NXPE2: variants seen among roughly 807,000 people sequenced by gnomAD.
NXPE2 encodes the protein NXPE family member 2.
Under a neutral mutation model 34.4 loss-of-function variants are expected in NXPE2, and 34 were observed. The observed-to-expected ratio is 0.99, with a 90% confidence interval of 0.75 to 1.31. NXPE2 has a LOEUF of 1.31. NXPE2 is among the 40% of genes most tolerant of loss of function. The pLI is 0.00. For synonymous variants in NXPE2, 235 were observed against 231.3 expected (o/e 1.02, Z -0.15); for missense variants, 649 against 672.5 (o/e 0.97, Z 0.39).
chr11:114,678,990 G>A (rs188721109), intron 1 of NXPE2, among the ~76,000 whole-genome samples: 36 of 151,344 alleles, frequency 2.4e-4, no homozygotes, highest in Non-Finnish European at 4.6e-4. Context: ...GGTAAAGATT[G>A]CCATAATTTA....
chr11:114,492,730 G>A, the NXPE2 span, among the ~76,000 whole-genome samples: 15 of 152,082 alleles, frequency 9.9e-5, no homozygotes, highest in South Asian at 8.3e-4. Flanking sequence ...TAGTAGAGAC[G>A]GGGTTTCACA....
the NXPE2 span, among the ~76,000 whole-genome samples, chr11:114,634,900 T>C: frequency 6.6e-6 from 1 of 152,066 alleles, no homozygotes; most frequent in Non-Finnish European, 1.5e-5. Flanking sequence ...GGTAGTGTGA[T>C]GCCTCCAGCT....
the NXPE2 span, among the ~76,000 whole-genome samples, chr11:114,659,748 C>T: frequency 3.3e-5 from 5 of 152,158 alleles, no homozygotes; most frequent in African/African-American, 9.6e-5. Context: ...ATAAACTAAT[C>T]TTTCATGTTA....
the NXPE2 span, among the ~76,000 whole-genome samples, chr11:114,723,007 A>G: frequency 2.0e-5 from 3 of 152,232 alleles, no homozygotes; most frequent in Non-Finnish European, 4.4e-5. Context: ...GTATGAAACT[A>G]TGCATATAAA....
At chr11:114,481,442 A>G in the NXPE2 span, among the ~76,000 whole-genome samples, 5 of 152,186 alleles carry the variant, frequency 3.3e-5, no homozygotes, top group African/African-American at 1.2e-4. Flanking sequence ...AATGGCAACA[A>G]TAGCGCTTTC....
chr11:114,538,265 T>C, the NXPE2 span, among the ~76,000 whole-genome samples: 1 of 152,188 alleles, frequency 6.6e-6, no homozygotes, highest in Non-Finnish European at 1.5e-5. Flanking sequence ...TTACACCTTA[T>C]ACAAAAATTA....
chr11:114,640,029 CATA>C, the NXPE2 span, among the ~76,000 whole-genome samples: 1 of 115,282 alleles, frequency 8.7e-6, no homozygotes, highest in African/African-American at 3.6e-5. Context: ...TATAATGTAA[CATA>C]ATTATATTAT....
At chr11:114,763,260 T>C in the NXPE2 span, among the ~76,000 whole-genome samples, 1 of 152,232 alleles carries the variant, frequency 6.6e-6, no homozygotes, top group Non-Finnish European at 1.5e-5. Flanking sequence ...AAAATCCCTC[T>C]TCTAACAAAC....
At chr11:114,615,374 G>T in the NXPE2 span, among the ~76,000 whole-genome samples, 2 of 151,840 alleles carry the variant, frequency 1.3e-5, no homozygotes, top group South Asian at 4.1e-4. Flanking sequence ...ACTGTTACCC[G>T]GTGGATAATA....
chr11:114,639,596 A>T, the NXPE2 span, among the ~76,000 whole-genome samples: 34 of 149,864 alleles, frequency 2.3e-4, no homozygotes, highest in African/African-American at 6.6e-4. Context: ...AGCTGTTCCT[A>T]TTCGGCCATC....
the NXPE2 span, among the ~76,000 whole-genome samples, chr11:114,660,618 C>T: frequency 2.6e-5 from 4 of 151,678 alleles, no homozygotes; most frequent in Admixed American, 6.6e-5. Flanking sequence ...TTTCTTAACT[C>T]GATAAAGGCA....
the NXPE2 span, among the ~76,000 whole-genome samples, chr11:114,502,428 T>C: frequency 1.3e-5 from 2 of 152,238 alleles, no homozygotes; most frequent in African/African-American, 4.8e-5. Flanking sequence ...TTCAGGTCTA[T>C]CTTCAGTTTC....
At chr11:114,636,707 C>T in the NXPE2 span, among the ~76,000 whole-genome samples, 7 of 152,042 alleles carry the variant, frequency 4.6e-5, no homozygotes, top group Non-Finnish European at 8.8e-5. Flanking sequence ...TTTCTGCCTT[C>T]ATTTCGTTAT....
chr11:114,666,693 A>G, the NXPE2 span, among the ~76,000 whole-genome samples: 1 of 152,238 alleles, frequency 6.6e-6, no homozygotes, highest in South Asian at 2.1e-4. Context: ...AATAATTTCT[A>G]AAGAGGTATT....
At chr11:114,535,736 C>T in the NXPE2 span, among the ~76,000 whole-genome samples, 19 of 152,240 alleles carry the variant, frequency 1.2e-4, no homozygotes, top group South Asian at 1.0e-3. Context: ...AACTAGCTAT[C>T]CTAAATATAT....
the NXPE2 span, among the ~76,000 whole-genome samples, chr11:114,763,170 A>G: frequency 7.9e-5 from 12 of 152,176 alleles, no homozygotes; most frequent in African/African-American, 2.7e-4. Flanking sequence ...TGGGGCAAGA[A>G]TAGTGCTTTT....
At chr11:114,617,894 A>G in the NXPE2 span, among the ~76,000 whole-genome samples, 129 of 151,880 alleles carry the variant, frequency 8.5e-4, no homozygotes, top group Non-Finnish European at 1.3e-3. Flanking sequence ...CTGGCGGATA[A>G]TAAGTATTGC....
At chr11:114,712,362 C>T in the NXPE2 span, among the ~76,000 whole-genome samples, 1 of 152,038 alleles carries the variant, frequency 6.6e-6, no homozygotes, top group Non-Finnish European at 1.5e-5. Context: ...AGGCAACCAA[C>T]AGTATGGGAA....
At chr11:114,783,275 G>A in the NXPE2 span, among the ~76,000 whole-genome samples, 4 of 152,238 alleles carry the variant, frequency 2.6e-5, no homozygotes, top group East Asian at 7.7e-4. Context: ...AGTTTGCAGG[G>A]CGTTAATGTT....
Sources: gnomAD v4.1 joint callset for allele counts (sites outside exome capture counted in the v4.1 genomes callset) on GRCh38, gnomAD v4.1.1 for gene constraint, MANE v1.5 for transcripts, NCBI Gene and HGNC (gene_info 2026-07-23, HGNC 2026-07-21) for gene names.